The following COL16A1 variants were observed in gnomAD, a reference collection of about 807,000 sequenced individuals.
COL16A1 encodes the protein collagen type XVI alpha 1 chain.
Under a neutral mutation model 266.3 loss-of-function variants are expected in COL16A1, and 189 were observed. That is an observed-to-expected ratio of 0.71 (90% CI 0.63 to 0.80). COL16A1 has a LOEUF of 0.80. COL16A1 is among the 30% of genes least tolerant of loss of function. COL16A1 has a pLI of 0.00. For synonymous variants in COL16A1, 740 were observed against 782.3 expected, an observed-to-expected ratio of 0.95 and a Z score of 0.90; for missense variants, 1,928 against 2,122.4, an observed-to-expected ratio of 0.91 and a Z score of 1.80.
chr1:31,666,188 A>T (rs1642129505), intron 52 of COL16A1, 107 bp from the exon 53 acceptor site: 3 of 1,237,888 alleles, frequency 2.4e-6, no homozygotes, highest in Admixed American at 2.5e-5. Context: ...ATGTGCTGGG[A>T]GGCCCCTGGG....
chr1:31,653,815 G>A lies in COL16A1; in HGVS notation c.4534+52C>T, dbSNP rs1640854977. The A allele has an allele frequency of 1.7e-5, 27 of 1,581,066 alleles. No homozygotes were observed. The South Asian group carries it at 2.9e-4, about 17-fold the overall frequency. Reference sequence around the variant, plus strand: ...ACAACAGACCTCATGGAATACTTAGGCCTGCCCCAAAGAATTACATGTGTC... The same window carrying A: ...ACAACAGACCTCATGGAATACTTAGACCTGCCCCAAAGAATTACATGTGTC... On this transcript the variant is annotated intron_variant, in intron 69 of 70. Transcript: ENST00000373672.
intron 66 of COL16A1, 182 bp from the exon 67 acceptor site, chr1:31,655,684 T>G (rs1641075759): frequency 9.9e-7 from 1 of 1,013,894 alleles, no homozygotes; most frequent in Non-Finnish European, 1.4e-6. Flanking sequence ...GTTCTCCTGG[T>G]GTTACTCCCT....
At chr1:31,673,146 T>C (rs961811640) in intron 44 of COL16A1, 5 of 437,904 alleles carry the variant, frequency 1.1e-5, no homozygotes, top group Non-Finnish European at 2.2e-5. Context: ...CTGTCCCGGC[T>C]GTTCCTGCAA....
intron 37 of COL16A1, among the ~76,000 whole-genome samples, chr1:31,682,148 A>G (rs986178897): frequency 2.6e-5 from 4 of 152,232 alleles, no homozygotes; most frequent in Non-Finnish European, 5.9e-5. Flanking sequence ...GTAAAATTCT[A>G]GCGGGTTCAT....
At chr1:31,690,476 C>G in intron 21 of COL16A1, 53 bp downstream of exon 21, 1 of 1,614,194 alleles carries the variant, frequency 6.2e-7, no homozygotes. Context: ...TAGCCCCTCC[C>G]TCCAGAGGCC....
intron 31 of COL16A1, 52 bp downstream of exon 31, chr1:31,684,471 G>T (rs1478649200): frequency 1.2e-5 from 19 of 1,585,696 alleles, no homozygotes; most frequent in Non-Finnish European, 1.5e-5. Flanking sequence ...TGCGACACCT[G>T]ATTTTTTTTA....
chr1:31,686,444 C>A, intron 26 of COL16A1, 165 bp from the exon 27 acceptor site: 3 of 946,844 alleles, frequency 3.2e-6, no homozygotes, highest in Non-Finnish European at 5.0e-6. Context: ...GAGTCTGTAA[C>A]CAGCCAGGGG....
chr1:31,701,452 T>A, intron 2 of COL16A1: 1 of 985,332 alleles, frequency 1.0e-6, no homozygotes, highest in Non-Finnish European at 1.2e-6. Flanking sequence ...TGGGTTTGGG[T>A]CCTAGGAGTT....
Position 31,656,959 on chromosome 1 carries a change from A to C in COL16A1, c.4056+74T>G. 1 of 1,599,082 alleles carries C rather than the reference A, an allele frequency of 6.3e-7. No individual in the cohort carries two copies. Among genetic ancestry groups the C allele is most frequent in the Non-Finnish European group, 8.6e-7 (1 of 1,166,848 alleles). The stretch of plus-strand genomic sequence containing the variant: ...ATAGAAGGAATGTTTACTGAAAAAA[A>C]TGAAGAGGGGTCAGGGCAAGGCGAG... On this transcript the variant is annotated intron_variant, in intron 65 of 70. Coordinates refer to ENST00000373672, the MANE Select transcript of COL16A1 (RefSeq NM_001856.4). The surrounding 1 kb of genome is among the most constrained non-coding windows in gnomAD (Gnocchi z 4.2).
rs749778467 is a variant in COL16A1, at chr1:31,692,806, G to A, written c.1074C>T (p.Gly358=). Residue 358 remains glycine, a splice_region_variant and synonymous_variant, in exon 14 of 71, where the codon GGC becomes GGT. Coordinates refer to ENST00000373672, the MANE Select transcript of COL16A1 (RefSeq NM_001856.4). ...CCGGGGAGATTCGAACACAGTCATT[G>A]CCCTGGGAGTAGGGAACAAGGGATC... is the stretch of plus-strand genomic sequence containing the variant. The part of the protein sequence containing the change: ...PGSKGEKGAR[G]NDCVRISPDA... 40 of 1,613,592 alleles carry A rather than the reference G, an allele frequency of 2.5e-5. No homozygotes were observed. The Admixed American group carries it at 6.7e-4, about 27-fold the overall frequency.
intron 64 of COL16A1, among the ~76,000 whole-genome samples, 155 bp downstream of exon 64, chr1:31,658,333 A>C (rs981282636): frequency 1.3e-5 from 2 of 152,238 alleles, no homozygotes; most frequent in African/African-American, 4.8e-5. Flanking sequence ...TTCCAAATTC[A>C]GCATGATCCT....
At chr1:31,653,741 C>G in intron 69 of COL16A1, 65 bp from the exon 70 acceptor site, 1 of 1,558,222 alleles carries the variant, frequency 6.4e-7, no homozygotes, top group South Asian at 1.2e-5. Flanking sequence ...AGTCAGATTA[C>G]TTGAAACACA....
rs1392654718 is a variant in COL16A1, at chr1:31,668,841, C to T, written c.3210G>A (p.Glu1070=). ...GSPGLPGLQG[E]RGLTGLTGDK... ...CTCCAGTCAGGCCCGTGAGACCTCG[C>T]TCTCCTTGAAGGCCCTTGGAGAGAA... is the stretch of plus-strand genomic sequence containing the variant. Residue 1070 remains glutamate (E), a synonymous_variant, in exon 50 of 71, where the codon GAG becomes GAA. Transcript: ENST00000373672. The surrounding 1 kb of genome is among the most constrained non-coding windows in gnomAD (Gnocchi z 5.8). 1 of 1,613,744 alleles carries T rather than the reference C, an allele frequency of 6.2e-7. No homozygotes were observed. Among genetic ancestry groups the T allele is most frequent in the African/African-American group, 1.3e-5 (1 of 74,874 alleles).
intron 36 of COL16A1, 51 bp downstream of exon 36, chr1:31,683,143 G>A (rs41263971): frequency 3.1e-4 from 499 of 1,612,998 alleles, no homozygotes; most frequent in Non-Finnish European, 3.9e-4. Flanking sequence ...GCCTGCTTCT[G>A]GGACACTCTG....
At chr1:31,679,465 A>C in intron 42 of COL16A1, 167 bp downstream of exon 42, 1 of 1,610,168 alleles carries the variant, frequency 6.2e-7, no homozygotes, top group South Asian at 1.1e-5. Context: ...CTAGAGGCTC[A>C]GTGGGCCCTC....
intron 47 of COL16A1, 109 bp downstream of exon 47, chr1:31,672,307 A>G: frequency 2.4e-6 from 3 of 1,250,480 alleles, no homozygotes; most frequent in Non-Finnish European, 3.4e-6. Context: ...AGATGAGCCC[A>G]GAGTGGTAAA....
chr1:31,661,259 GAGA>G, intron 60 of COL16A1, 140 bp from the exon 61 acceptor site: 1 of 1,487,536 alleles, frequency 6.7e-7, no homozygotes, highest in Non-Finnish European at 9.2e-7. Context: ...CTGGTAGACA[GAGA>G]AGCCCTGACC....
chr1:31,676,123 G>C (rs898212946), intron 42 of COL16A1, among the ~76,000 whole-genome samples: 1 of 152,020 alleles, frequency 6.6e-6, no homozygotes, highest in Non-Finnish European at 1.5e-5. Flanking sequence ...CCGGGAATTC[G>C]AGACCAGCCT....
intron 42 of COL16A1, among the ~76,000 whole-genome samples, chr1:31,677,195 C>T (rs1487859416): frequency 6.6e-6 from 1 of 152,246 alleles, no homozygotes; most frequent in Non-Finnish European, 1.5e-5. Context: ...AAGCGATTCT[C>T]CTGCCTCAGC....
Sources: gnomAD v4.1 joint callset for allele counts (sites outside exome capture counted in the v4.1 genomes callset) on GRCh38, gnomAD v4.1.1 for gene constraint, Gnocchi (gnomAD v3.1) non-coding constraint, MANE v1.5 for transcripts, NCBI Gene and HGNC (gene_info 2026-07-23, HGNC 2026-07-21) for gene names.